The following JAK1 variants were observed in gnomAD, a reference collection of about 807,000 sequenced individuals.
JAK1 encodes the protein tyrosine-protein kinase JAK1.
JAK1 carries 16 observed loss-of-function variants against 136.6 expected under a neutral mutation model. That is an observed-to-expected ratio of 0.12 (90% CI 0.08 to 0.18). JAK1 has a LOEUF of 0.18. Among genes scored for constraint, JAK1 ranks in the 10% least tolerant of loss-of-function variants. The pLI, the probability that JAK1 is intolerant of heterozygous loss-of-function variation, is 1.00. For missense variants in JAK1, 859 were observed against 1,450.1 expected, an observed-to-expected ratio of 0.59 and a Z score of 6.62; for synonymous variants, 492 against 519.5, an observed-to-expected ratio of 0.95 and a Z score of 0.72.
chr1:64,961,617 G>A (rs948028719), intron 1 of JAK1, among the ~76,000 whole-genome samples: 5 of 151,952 alleles, frequency 3.3e-5, no homozygotes, highest in African/African-American at 4.8e-5. Context: ...TAATCTAGTG[G>A]CCACTTCCAA....
At chr1:64,855,795 T>C in intron 10 of JAK1, 97 bp from the exon 11 acceptor site, 37 of 947,924 alleles carry the variant, frequency 3.9e-5, no homozygotes, top group Non-Finnish European at 5.6e-5. Context: ...AAGAGTAATT[T>C]TGCACCATCT....
At chr1:65,004,171 C>T (rs1178950495) in intron 2 of JAK1, 1 of 152,166 alleles carries the variant, frequency 6.6e-6, no homozygotes, top group Non-Finnish European at 1.5e-5. Flanking sequence ...AAATTCCTGA[C>T]CTCAGGTGAT....
chr1:64,932,289 T>C (rs1645709477), intron 1 of JAK1, among the ~76,000 whole-genome samples: 1 of 152,146 alleles, frequency 6.6e-6, no homozygotes, highest in African/African-American at 2.4e-5. Flanking sequence ...GGCACATGCC[T>C]GTAATCCCAG....
chr1:65,064,561 G>A (rs1177622239), intron 1 of JAK1, among the ~76,000 whole-genome samples: 1 of 152,206 alleles, frequency 6.6e-6, no homozygotes, highest in East Asian at 1.9e-4. Flanking sequence ...TCTCAATTCA[G>A]GGACTGAATG....
At chr1:65,024,660 CAAAAAA>C (rs11349903) in intron 2 of JAK1, among the ~76,000 whole-genome samples, 4 of 69,866 alleles carry the variant, frequency 5.7e-5, no homozygotes, top group African/African-American at 1.9e-4. Flanking sequence ...TGGTCCAAAG[CAAAAAA>C]AAAAAAAAAA....
At chr1:64,884,450 C>A (rs902682911) in intron 2 of JAK1, among the ~76,000 whole-genome samples, 4 of 152,176 alleles carry the variant, frequency 2.6e-5, no homozygotes, top group African/African-American at 9.7e-5. Context: ...TAACACATAC[C>A]AGATCCTCCA....
intron 2 of JAK1, among the ~76,000 whole-genome samples, chr1:64,975,100 C>A (rs1409345100): frequency 6.8e-6 from 1 of 147,490 alleles, no homozygotes; most frequent in Non-Finnish European, 1.5e-5. Flanking sequence ...TTTTTTTTTC[C>A]TTTTAGAATC....
At chr1:64,932,946 C>T (rs1645724242) in intron 1 of JAK1, among the ~76,000 whole-genome samples, 1 of 151,928 alleles carries the variant, frequency 6.6e-6, no homozygotes. Flanking sequence ...TAGAATTAAG[C>T]CACTGCTAAC....
chr1:64,836,312 A>G, intron 22 of JAK1, 97 bp from the exon 23 acceptor site: 1 of 742,428 alleles, frequency 1.3e-6, no homozygotes, highest in East Asian at 2.5e-5. Context: ...GGTTTTTCTT[A>G]TAATTTAATA....
At chr1:64,835,641 T>G in intron 23 of JAK1, 135 bp from the exon 24 acceptor site, 1 of 632,422 alleles carries the variant, frequency 1.6e-6, no homozygotes, top group Non-Finnish European at 2.8e-6. Context: ...TTAGTAACTT[T>G]AAATAAAAAT....
intron 1 of JAK1, among the ~76,000 whole-genome samples, chr1:65,056,923 T>TAAA (rs57037539): frequency 2.4e-4 from 28 of 118,730 alleles, no homozygotes; most frequent in East Asian, 4.8e-4. Context: ...ACTCTTTCTT[T>TAAA]AAAAAAAAAA....
chr1:64,883,242 GAAAC>G (rs1644802424), intron 3 of JAK1, 31 bp downstream of exon 3: 2 of 1,563,444 alleles, frequency 1.3e-6, no homozygotes, highest in African/African-American at 2.7e-5. Flanking sequence ...GTGTGTTGGT[GAAAC>G]CCCCAGCCCT....
intron 1 of JAK1, among the ~76,000 whole-genome samples, chr1:64,933,145 A>T (rs1177053888): frequency 1.3e-5 from 2 of 152,180 alleles, no homozygotes; most frequent in Non-Finnish European, 2.9e-5. Context: ...AACATCCCAT[A>T]AGGTGGGTAC....
intron 17 of JAK1, among the ~76,000 whole-genome samples, chr1:64,843,837 C>A (rs1049746785): frequency 2.6e-5 from 4 of 152,190 alleles, no homozygotes; most frequent in Non-Finnish European, 4.4e-5. Context: ...TTAATCTTCA[C>A]AACAACCCTA....
At chr1:65,025,746 C>T (rs1646972665) in intron 2 of JAK1, among the ~76,000 whole-genome samples, 2 of 152,170 alleles carry the variant, frequency 1.3e-5, no homozygotes, top group Non-Finnish European at 1.5e-5. Context: ...GGCATGATCA[C>T]AGCTCACTGT....
At chr1:64,909,308 C>A (rs867890789) in intron 1 of JAK1, among the ~76,000 whole-genome samples, 1 of 152,106 alleles carries the variant, frequency 6.6e-6, no homozygotes, top group African/African-American at 2.4e-5. Flanking sequence ...GAAAGAGGGG[C>A]TCAGAGGCAA....
chr1:64,870,569 A>G (rs1657014099), intron 5 of JAK1, among the ~76,000 whole-genome samples: 1 of 152,136 alleles, frequency 6.6e-6, no homozygotes, highest in Non-Finnish European at 1.5e-5. Flanking sequence ...CCACTGTTCA[A>G]TGCCGTGCTA....
chr1:65,053,114 G>C (rs1647364691), intron 1 of JAK1, among the ~76,000 whole-genome samples: 1 of 150,948 alleles, frequency 6.6e-6, no homozygotes, highest in Non-Finnish European at 1.5e-5. Flanking sequence ...GGGAGGCTGA[G>C]GTAGGCAGAT....
At chr1:65,001,293 G>A (rs576749610) in intron 2 of JAK1, among the ~76,000 whole-genome samples, 11 of 152,202 alleles carry the variant, frequency 7.2e-5, no homozygotes, top group Non-Finnish European at 1.3e-4. Context: ...TCACTGGGCT[G>A]CAGTGATTCC....
Sources: allele counts gnomAD v4.1 joint callset (sites outside exome capture counted in the v4.1 genomes callset), GRCh38; gene constraint gnomAD v4.1.1; transcripts MANE v1.5; gene names NCBI Gene and HGNC (gene_info 2026-07-23, HGNC 2026-07-21).